SIPA1L3: variants seen among roughly 807,000 people sequenced by gnomAD.
SIPA1L3 encodes signal-induced proliferation-associated 1-like protein 3.
In SIPA1L3, 59 loss-of-function variants were observed where a neutral mutation model predicts 150.1. That is an observed-to-expected ratio of 0.39 (90% CI 0.32 to 0.49). The LOEUF (loss-of-function observed/expected upper bound fraction) is 0.49. Among genes scored for constraint, SIPA1L3 ranks in the 20% least tolerant of loss-of-function variants. The pLI is 0.86. For missense variants in SIPA1L3, 2,211 were observed against 2,489.5 expected, an observed-to-expected ratio of 0.89 and a Z score of 2.38; for synonymous variants, 1,070 against 1,077.6, an observed-to-expected ratio of 0.99 and a Z score of 0.14.
In SIPA1L3 at chr19:37,937,374, C is replaced by G. The variant is rs111903837; in HGVS notation, c.-379+30016C>G. Among the ~76,000 whole-genome samples, 936 of 152,268 alleles carry G rather than the reference C, an allele frequency of 6.1e-3. 9 individuals are homozygous for G. The highest frequency in any genetic ancestry group is 0.022 in the African/African-American group (905 of 41,548). On this transcript the variant is annotated intron_variant, in intron 1 of 21. Transcript: ENST00000222345. The stretch of plus-strand genomic sequence containing the variant: ...CTTCCCATTCACTTTCCTGCCTGCT[C>G]TCTCAGAAGTGACCACCATCTTGAA...
intron 1 of SIPA1L3, among the ~76,000 whole-genome samples, chr19:37,911,146 A>G (rs1017139173): frequency 6.6e-6 from 1 of 152,176 alleles, no homozygotes; most frequent in African/African-American, 2.4e-5. Flanking sequence ...GGCTTTGGAG[A>G]TAGCATAATG....
At chr19:37,944,825 C>G (rs554280110) in intron 1 of SIPA1L3, among the ~76,000 whole-genome samples, 1 of 152,240 alleles carries the variant, frequency 6.6e-6, no homozygotes, top group Admixed American at 6.5e-5. Flanking sequence ...TGGCAGGTCC[C>G]TCTAATCCCA....
In SIPA1L3 at chr19:38,197,522, T is replaced by C. The variant is rs571635382; in HGVS notation, c.4841-867T>C. 2.8e-3 allele frequency among the ~76,000 whole-genome samples: 431 copies of C among 151,750 alleles called. 1 individual carries two copies. The highest frequency in any genetic ancestry group is 9.2e-3 in the African/African-American group (382 of 41,326). ...CCCCGTGTAAACACTGTCCATACAC[T>C]GGCGATTCCAATCACAGGTGCAGCT... On this transcript the variant is annotated intron_variant, in intron 18 of 21. Transcript: ENST00000222345.
At chr19:37,987,278 C>T (rs374387534) in intron 1 of SIPA1L3, among the ~76,000 whole-genome samples, 4 of 152,146 alleles carry the variant, frequency 2.6e-5, no homozygotes, top group East Asian at 3.9e-4. Flanking sequence ...TGCTGTTTCC[C>T]GGACCTTAGG....
intron 2 of SIPA1L3, among the ~76,000 whole-genome samples, chr19:38,068,124 G>A (rs746278072): frequency 1.8e-4 from 27 of 150,414 alleles, no homozygotes; most frequent in Non-Finnish European, 2.9e-4. Context: ...CTGGGTTCAC[G>A]CCATTCTCCT....
At chr19:38,090,905 C>T (rs1328655970) in intron 4 of SIPA1L3, among the ~76,000 whole-genome samples, 1 of 152,186 alleles carries the variant, frequency 6.6e-6, no homozygotes, top group African/African-American at 2.4e-5. Flanking sequence ...AGAGGCAGCC[C>T]TAAAGCCATG....
intron 2 of SIPA1L3, among the ~76,000 whole-genome samples, chr19:38,063,263 GC>G (rs961516620): frequency 1.3e-5 from 2 of 151,082 alleles, no homozygotes; most frequent in Non-Finnish European, 2.9e-5. Flanking sequence ...CACCTGCACC[GC>G]CCCCGCCGGC....
In SIPA1L3 at chr19:38,173,233, G is replaced by C. The variant is rs974471370; in HGVS notation, c.4208+8327G>C. On this transcript the variant is annotated intron_variant, in intron 15 of 21. Transcript: ENST00000222345. ...TTCAAAGGCTGCCAGGAGAGGGATG[G>C]GTCCTGACACGCCCAAGCGGGGAGC... Among the ~76,000 whole-genome samples, 10 of 152,388 alleles carry C rather than the reference G, an allele frequency of 6.6e-5. 1 individual carries two copies. Among genetic ancestry groups the C allele is most frequent in the Non-Finnish European group, 1.3e-4 (9 of 68,040 alleles).
At chr19:38,117,644 A>G (rs974802391) in intron 8 of SIPA1L3, among the ~76,000 whole-genome samples, 3 of 151,458 alleles carry the variant, frequency 2.0e-5, no homozygotes, top group African/African-American at 7.3e-5. Flanking sequence ...AGCATTACCT[A>G]TGGGGTCCCT....
At chr19:38,193,334 G>C (rs1319626443) in intron 17 of SIPA1L3, among the ~76,000 whole-genome samples, 2 of 139,504 alleles carry the variant, frequency 1.4e-5, no homozygotes, top group Non-Finnish European at 3.1e-5. Context: ...GGGCGACAGA[G>C]TGAGACCCTG....
At chr19:38,205,872 C>T (rs756882942) in intron 21 of SIPA1L3, among the ~76,000 whole-genome samples, 3 of 152,216 alleles carry the variant, frequency 2.0e-5, no homozygotes, top group Non-Finnish European at 4.4e-5. Flanking sequence ...TAGATGAGCT[C>T]CAGACACCCC....
At chr19:37,962,198 C>T (rs2046864692) in intron 1 of SIPA1L3, among the ~76,000 whole-genome samples, 1 of 148,442 alleles carries the variant, frequency 6.7e-6, no homozygotes, top group African/African-American at 2.5e-5. Flanking sequence ...GGCTGGAGTG[C>T]AGTGGCACGA....
At chr19:38,109,307 T>C (rs572468915) in intron 7 of SIPA1L3, 1 of 152,210 alleles carries the variant, frequency 6.6e-6, no homozygotes, top group East Asian at 1.9e-4. Flanking sequence ...AACCACACTT[T>C]TATAAAACCA....
intron 13 of SIPA1L3, among the ~76,000 whole-genome samples, chr19:38,160,342 T>A (rs1972053426): frequency 6.7e-6 from 1 of 149,196 alleles, no homozygotes; most frequent in Non-Finnish European, 1.5e-5. Context: ...GCAAGATACT[T>A]GGTCCAGGCA....
intron 2 of SIPA1L3, among the ~76,000 whole-genome samples, chr19:38,079,293 A>G (rs1223360421): frequency 6.6e-6 from 1 of 152,210 alleles, no homozygotes; most frequent in Non-Finnish European, 1.5e-5. Flanking sequence ...AGATCGCGCC[A>G]CTGTACTCCA....
intron 1 of SIPA1L3, among the ~76,000 whole-genome samples, chr19:37,991,178 G>T (rs1967498501): frequency 6.6e-6 from 1 of 152,188 alleles, no homozygotes; most frequent in African/African-American, 2.4e-5. Context: ...GTTGCTGTGA[G>T]CCGAGATTGC....
At chr19:38,099,771 C>T (rs1200857510) in intron 4 of SIPA1L3, among the ~76,000 whole-genome samples, 191 bp from the exon 5 acceptor site, 2 of 152,222 alleles carry the variant, frequency 1.3e-5, no homozygotes, top group Non-Finnish European at 2.9e-5. Flanking sequence ...GATATGAAGT[C>T]ACTTGGTCAA....
At chr19:38,016,769 A>G (rs560706667) in intron 1 of SIPA1L3, among the ~76,000 whole-genome samples, 12 of 151,774 alleles carry the variant, frequency 7.9e-5, no homozygotes, top group Middle Eastern at 6.9e-3. Context: ...CTGGGAATAC[A>G]GGTGTGAGCC....
chr19:38,010,332 C>T (rs1402647423), intron 1 of SIPA1L3, among the ~76,000 whole-genome samples: 3 of 151,850 alleles, frequency 2.0e-5, no homozygotes. Flanking sequence ...CACTGTAGTC[C>T]AGGAGTTTGA....
Sources: gnomAD v4.1 joint callset for allele counts (sites outside exome capture counted in the v4.1 genomes callset) on GRCh38, gnomAD v4.1.1 for gene constraint, MANE v1.5 for transcripts, NCBI Gene and HGNC (gene_info 2026-07-23, HGNC 2026-07-21) for gene names.